Variants in LHX2 observed in about 807,000 individuals in gnomAD.
LHX2 encodes the protein LIM homeobox 2.
In LHX2, 6 loss-of-function variants were observed where a neutral mutation model predicts 33.0. That is an observed-to-expected ratio of 0.18 (90% CI 0.10 to 0.36). The LOEUF is 0.36. Among genes scored for constraint, LHX2 ranks in the 10% least tolerant of loss-of-function variants. LHX2 has a pLI of 1.00. For missense variants in LHX2, 442 were observed against 586.2 expected (o/e 0.75, Z 2.54); for synonymous variants, 292 against 253.1 (o/e 1.15, Z -1.46).
intron 3 of LHX2, among the ~76,000 whole-genome samples, chr9:124,017,955 C>A (rs1474960467): frequency 6.6e-6 from 1 of 151,838 alleles, no homozygotes; most frequent in African/African-American, 2.4e-5. Context: ...GGGGCCCGGG[C>A]CGCGCACTTT....
intron 4 of LHX2, among the ~76,000 whole-genome samples, chr9:124,027,674 C>T (rs779016837): frequency 6.6e-6 from 1 of 151,968 alleles, no homozygotes; most frequent in East Asian, 1.9e-4. Context: ...AAAAATTAGC[C>T]GGGCATGGTG....
chr9:124,015,027 G>T lies in LHX2; in HGVS notation c.324-95G>T. The T allele has an allele frequency of 2.1e-6, 3 of 1,442,244 alleles. No homozygotes were observed. The highest frequency in any genetic ancestry group is 2.3e-5 in the East Asian group (1 of 43,856). 89.3% of individuals were successfully genotyped at this position (1,442,244 alleles called of 1,614,324 possible). A position where few individuals can be genotyped will look rare whatever the true frequency, so the allele number is the denominator to read the frequency against. On this transcript the variant is annotated intron_variant, in intron 2 of 4. Coordinates refer to ENST00000373615, the MANE Select transcript of LHX2 (RefSeq NM_004789.4). The surrounding 1 kb of genome is among the most constrained non-coding windows in gnomAD (Gnocchi z 7.9). ...GGCCGGGTTGTTCGTCTTGAGGAGG[G>T]GATTGCCCCCCGCAGCAGCAGCGGC...
Position 124,014,223 on chromosome 9 carries a change from A to C in LHX2, c.323+60A>C. ...TCCCCCCAATCTCAGGCACAGTCTTACAGTTTGGCCCTCTCCTTTCCGTTT... is the reference window on the plus strand; with the variant it reads ...TCCCCCCAATCTCAGGCACAGTCTTCCAGTTTGGCCCTCTCCTTTCCGTTT... On this transcript the variant is annotated intron_variant, in intron 2 of 4. Transcript: ENST00000373615. The surrounding 1 kb of genome is among the most constrained non-coding windows in gnomAD (Gnocchi z 4.8). 2 of 1,199,674 alleles carry C rather than the reference A, an allele frequency of 1.7e-6. No homozygotes were observed. The highest frequency in any genetic ancestry group is 1.7e-5 in the African/African-American group (1 of 57,528). 74.3% of individuals were successfully genotyped at this position (1,199,674 alleles called of 1,614,324 possible). A position where few individuals can be genotyped will look rare whatever the true frequency, so the allele number is the denominator to read the frequency against.
At chr9:124,029,800 G>A (rs1009500543) in intron 4 of LHX2, among the ~76,000 whole-genome samples, 13 of 152,208 alleles carry the variant, frequency 8.5e-5, no homozygotes, top group Admixed American at 6.5e-5. Flanking sequence ...CAGGACAGTG[G>A]CAAGGCAGCG....
rs1367146296 is a variant in LHX2 at position 124,014,539 on chromosome 9, A to G, written c.323+376A>G. ...AACCTAGGCAGCCCAAGCTGGAGTG[A>G]AACACAGCTGGAAAGAGAGCTGTGG... On this transcript the variant is annotated intron_variant, in intron 2 of 4. Coordinates refer to ENST00000373615, the MANE Select transcript of LHX2 (RefSeq NM_004789.4). This position sits in a 1 kb window ranked among gnomAD's most constrained non-coding sequence, Gnocchi z 4.8. 6.6e-6 allele frequency among the ~76,000 whole-genome samples: 1 copy of G among 152,216 alleles called. No individual in the cohort carries two copies. The highest frequency in any genetic ancestry group is 1.5e-5 in the Non-Finnish European group (1 of 68,046).
At chr9:124,025,286 C>A (rs926211137) in intron 4 of LHX2, among the ~76,000 whole-genome samples, 1 of 151,948 alleles carries the variant, frequency 6.6e-6, no homozygotes, top group Non-Finnish European at 1.5e-5. Context: ...ACTAAAAATA[C>A]AAAAATTAGC....
intron 4 of LHX2, among the ~76,000 whole-genome samples, chr9:124,022,992 G>C (rs1009503277): frequency 6.6e-6 from 1 of 152,236 alleles, no homozygotes; most frequent in African/African-American, 2.4e-5. Flanking sequence ...AGTGGCCTGA[G>C]CTCCTGGTGG....
At position 124,015,100 on chromosome 9, in the gene LHX2, C is replaced by T. The variant is rs570974921; in HGVS notation, c.324-22C>T. On this transcript the variant is annotated intron_variant, in intron 2 of 4. Coordinates refer to ENST00000373615, the MANE Select transcript of LHX2 (RefSeq NM_004789.4). The surrounding 1 kb of genome is among the most constrained non-coding windows in gnomAD (Gnocchi z 7.9). ...TACCCAACCGTGTGTTCCCACAGCC[C>T]CTCCCTCCATGGTCCCTACAGGCGC... is the stretch of plus-strand genomic sequence containing the variant. The T allele has an allele frequency of 1.9e-6, 3 of 1,608,114 alleles. No homozygotes were observed. The highest frequency in any genetic ancestry group is 2.2e-5 in the South Asian group (2 of 91,046).
At position 124,014,671 on chromosome 9, in the gene LHX2, C is replaced by T. The variant is rs1319939542; in HGVS notation, c.324-451C>T. On this transcript the variant is annotated intron_variant, in intron 2 of 4. Transcript: ENST00000373615. The surrounding 1 kb of genome is among the most constrained non-coding windows in gnomAD (Gnocchi z 4.8). ...CCAAGTTCTCTGTTTCTCCTTCTCCCCAGTTTTAGGATTAGGGTCTATGTA... is the reference window on the plus strand; with the variant it reads ...CCAAGTTCTCTGTTTCTCCTTCTCCTCAGTTTTAGGATTAGGGTCTATGTA... Among the ~76,000 whole-genome samples, 1 of 152,172 alleles carries T rather than the reference C, an allele frequency of 6.6e-6. No homozygotes were observed. Among genetic ancestry groups the T allele is most frequent in the Non-Finnish European group, 1.5e-5 (1 of 68,046 alleles).
At chr9:124,020,239 A>T (rs1348563580) in intron 3 of LHX2, among the ~76,000 whole-genome samples, 1 of 152,096 alleles carries the variant, frequency 6.6e-6, no homozygotes, top group Non-Finnish European at 1.5e-5. Flanking sequence ...AAAGCCAAAC[A>T]CACACCATAG....
intron 1 of LHX2, among the ~76,000 whole-genome samples, chr9:124,013,684 G>A (rs1010203844): frequency 4.6e-5 from 7 of 152,282 alleles, no homozygotes; most frequent in Non-Finnish European, 1.0e-4. Context: ...AGGGAGGACT[G>A]GAAGGAAGAG....
intron 4 of LHX2, chr9:124,031,846 C>G (rs529411814): frequency 6.6e-6 from 1 of 152,028 alleles, no homozygotes; most frequent in African/African-American, 2.4e-5. Flanking sequence ...CTGTGATATT[C>G]GGGAGTACAG....
chr9:124,018,549 G>A (rs1216292241), intron 3 of LHX2, among the ~76,000 whole-genome samples: 1 of 151,642 alleles, frequency 6.6e-6, no homozygotes, highest in Non-Finnish European at 1.5e-5. Flanking sequence ...CTACTCCCCC[G>A]CCAATAACGG....
chr9:124,015,393 G>A lies in LHX2; in HGVS notation c.595G>A (p.Ala199Thr), dbSNP rs776576461. 1 of 1,608,300 alleles carries A rather than the reference G, an allele frequency of 6.2e-7. No homozygotes were observed. Among genetic ancestry groups the A allele is most frequent in the Non-Finnish European group, 8.5e-7 (1 of 1,177,060 alleles). Residue 199 changes from alanine (A) to threonine (T), a missense_variant, in exon 3 of 5, where the codon GCG becomes ACG. Coordinates refer to ENST00000373615, the MANE Select transcript of LHX2 (RefSeq NM_004789.4). This position sits in a 1 kb window ranked among gnomAD's most constrained non-coding sequence, Gnocchi z 7.9. ...CGCTGCAGCCGCGGCGGCCAAGAGC[G>A]CGGGGCTGGGCGCAGCAGGGGCCAA... ...AAAAAAAAKS[A>T]GLGAAGANPL... is the part of the protein sequence containing the mutation.
chr9:124,019,190 C>T (rs2118760088), intron 3 of LHX2, among the ~76,000 whole-genome samples: 1 of 152,322 alleles, frequency 6.6e-6, no homozygotes, highest in South Asian at 2.1e-4. Context: ...GGAATGCAGC[C>T]CCGGGGGTGA....
Position 124,032,151 on chromosome 9 carries a change from A to C in LHX2, c.934-269A>C. The stretch of plus-strand genomic sequence containing the variant: ...CAGCTACCCAGGAGGCTGAGGCGGG[A>C]GGATCGCTTGATCCCAGGAGTTAGA... On this transcript the variant is annotated intron_variant, in intron 4 of 4. Transcript: ENST00000373615. The surrounding 1 kb of genome is among the most constrained non-coding windows in gnomAD (Gnocchi z 4.1). 1 of 396,734 alleles carries C rather than the reference A, an allele frequency of 2.5e-6. No homozygotes were observed. The highest frequency in any genetic ancestry group is 4.5e-6 in the Non-Finnish European group (1 of 223,950). The allele number at this position is 396,734 out of a possible 1,614,324, so 24.6% of individuals were successfully genotyped here. A position where few individuals can be genotyped will look rare whatever the true frequency, so the allele number is the denominator to read the frequency against.
At position 124,012,255 on chromosome 9, in the gene LHX2, G is replaced by C; in HGVS notation, c.-94G>C. 8.0e-7 allele frequency: 1 copy of C among 1,246,756 alleles called. No individual in the cohort carries two copies. The highest frequency in any genetic ancestry group is 1.0e-6 in the Non-Finnish European group (1 of 978,740). The allele number at this position is 1,246,756 out of a possible 1,614,324, so 77.2% of individuals were successfully genotyped here. On this transcript the variant is annotated 5_prime_UTR_variant, in exon 1 of 5. Transcript: ENST00000373615. The surrounding 1 kb of genome is among the most constrained non-coding windows in gnomAD (Gnocchi z 4.3). ...GCCGGGGCCGCGGTGGCGATGCACC[G>C]GGCCCGTTAGCGCCAGGAGCGCCAG...
rs1316908197 is a variant in LHX2, at chr9:124,032,666, C to A, written c.1180C>A (p.Pro394Thr). The A allele has an allele frequency of 6.8e-6, 11 of 1,608,458 alleles. No homozygotes were observed. Among genetic ancestry groups the A allele is most frequent in the African/African-American group, 1.3e-5 (1 of 74,926 alleles). ...GCCTGGCAACCTGGAGGGCCATGAG[C>A]CTCACAGCCCCTCACAAACGACTCT... is the stretch of plus-strand genomic sequence containing the variant. ...SVPGNLEGHE[P>T]HSPSQTTLTN... The change falls in exon 5 of 5, where the codon CCT becomes ACT. Residue 394 changes from proline to threonine, a missense_variant. Pro to Thr is a conservative substitution (Grantham distance 38). This residue lies in a region of LHX2 where 109 missense variants were observed against 98.7 expected (regional missense o/e 1.10). Coordinates refer to ENST00000373615, the MANE Select transcript of LHX2 (RefSeq NM_004789.4). The surrounding 1 kb of genome is among the most constrained non-coding windows in gnomAD (Gnocchi z 4.1).
intron 4 of LHX2, among the ~76,000 whole-genome samples, chr9:124,029,617 C>T (rs554551058): frequency 3.3e-5 from 5 of 152,290 alleles, no homozygotes; most frequent in East Asian, 1.9e-4. Context: ...AGCAAACAGC[C>T]GGCAACTAAC....
Sources: allele counts gnomAD v4.1 joint callset (sites outside exome capture counted in the v4.1 genomes callset), GRCh38; gene constraint gnomAD v4.1.1; regional missense constraint gnomAD v4.1.1; non-coding constraint Gnocchi (gnomAD v3.1); transcripts MANE v1.5; gene names NCBI Gene and HGNC (gene_info 2026-07-23, HGNC 2026-07-21).